Variants in KLF17 observed in about 807,000 individuals in gnomAD.
The protein encoded by KLF17 is Krueppel-like factor 17.
A neutral mutation model predicts 34.2 loss-of-function variants in KLF17; 31 were observed. That is an observed-to-expected ratio of 0.91 (90% CI 0.68 to 1.22). KLF17 has a LOEUF of 1.22. Among genes scored for constraint, KLF17 ranks in the 50% most tolerant of loss-of-function variants. KLF17 has a pLI of 0.00. For missense variants in KLF17, 478 were observed against 505.2 expected (o/e 0.95, Z 0.52); for synonymous variants, 179 against 186.7 (o/e 0.96, Z 0.34).
chr1:44,092,944 G>T, the KLF17 span, among the ~76,000 whole-genome samples: 1 of 152,150 alleles, frequency 6.6e-6, no homozygotes, highest in African/African-American at 2.4e-5. Flanking sequence ...GCATCCCCCT[G>T]CTCTGAAGGA....
At chr1:44,065,245 G>C in the KLF17 span, among the ~76,000 whole-genome samples, 1 of 151,346 alleles carries the variant, frequency 6.6e-6, no homozygotes, top group Non-Finnish European at 1.5e-5. Flanking sequence ...CCAAGATCAT[G>C]CCACTGCATT....
chr1:44,121,983 C>T (rs1254288438), intron 1 of KLF17, among the ~76,000 whole-genome samples: 1 of 152,224 alleles, frequency 6.6e-6, no homozygotes, highest in Non-Finnish European at 1.5e-5. Context: ...AATTTTTCCT[C>T]AATTAAATTT....
At chr1:44,048,312 T>G in the KLF17 span, 3 of 152,164 alleles carry the variant, frequency 2.0e-5, no homozygotes, top group South Asian at 6.2e-4. Context: ...GGATGTCCAG[T>G]TAAGCTGGGA....
the KLF17 span, among the ~76,000 whole-genome samples, chr1:44,083,669 C>CTG: frequency 6.6e-6 from 1 of 151,842 alleles, no homozygotes; most frequent in Non-Finnish European, 1.5e-5. Flanking sequence ...TGGCGGGTGC[C>CTG]TGTAGTTCCA....
intron 1 of KLF17, among the ~76,000 whole-genome samples, chr1:44,121,110 G>A (rs2087940435): frequency 6.6e-6 from 1 of 151,756 alleles, no homozygotes; most frequent in African/African-American, 2.4e-5. Context: ...TATCAAAATT[G>A]TATATATATA....
the KLF17 span, among the ~76,000 whole-genome samples, chr1:44,057,861 C>T: frequency 2.0e-5 from 3 of 152,226 alleles, no homozygotes; most frequent in East Asian, 1.9e-4. Context: ...CCCATACCCT[C>T]ATCCCTACTC....
the KLF17 span, among the ~76,000 whole-genome samples, chr1:44,083,476 G>A: frequency 6.6e-6 from 1 of 152,066 alleles, no homozygotes; most frequent in Admixed American, 6.6e-5. Context: ...TATCCAGCAA[G>A]TTGTTCTTAA....
At chr1:44,047,456 G>T in the KLF17 span, among the ~76,000 whole-genome samples, 2 of 152,184 alleles carry the variant, frequency 1.3e-5, no homozygotes, top group African/African-American at 4.8e-5. Flanking sequence ...ACAGGCTCCA[G>T]CCTGGTCATG....
At chr1:44,054,595 C>A in the KLF17 span, among the ~76,000 whole-genome samples, 6 of 150,590 alleles carry the variant, frequency 4.0e-5, no homozygotes, top group African/African-American at 1.5e-4. Context: ...ATTCTCCTGC[C>A]GCAGCCTCCC....
Position 44,118,916 on chromosome 1 carries a change from C to T in KLF17, c.9C>T (p.Gly3=), listed in dbSNP as rs867028476. The T allele has an allele frequency of 3.1e-6, 5 of 1,611,702 alleles. No homozygotes were observed. The highest frequency in any genetic ancestry group is 2.7e-5 in the African/African-American group (2 of 74,964). ...GACCCCACCCAGTCTTCATGTACGG[C>T]CGACCGCAGGCTGAGATGGAACAGG... MY[G]RPQAEMEQEA... The change falls in exon 1 of 4, where the codon GGC becomes GGT. Residue 3 remains glycine, a synonymous_variant. Coordinates refer to ENST00000372299, the MANE Select transcript of KLF17 (RefSeq NM_173484.4).
chr1:44,047,619 T>C, the KLF17 span, among the ~76,000 whole-genome samples: 1 of 152,160 alleles, frequency 6.6e-6, no homozygotes, highest in Admixed American at 6.5e-5. Flanking sequence ...ACATCCATCT[T>C]GAGGGAAAGA....
At chr1:44,069,875 C>T in the KLF17 span, 1 of 152,294 alleles carries the variant, frequency 6.6e-6, no homozygotes, top group East Asian at 1.9e-4. The surrounding 1 kb of genome is among the most constrained non-coding windows in gnomAD (Gnocchi z 4.7). Context: ...TCTTGTCCAA[C>T]CTTAGCATCT....
chr1:44,102,779 G>A, the KLF17 span, among the ~76,000 whole-genome samples: 1 of 152,134 alleles, frequency 6.6e-6, no homozygotes, highest in South Asian at 2.1e-4. Context: ...GAATAGCTGT[G>A]CACATGTGGC....
the KLF17 span, among the ~76,000 whole-genome samples, chr1:44,082,285 C>T: frequency 2.4e-4 from 37 of 152,206 alleles, 2 homozygotes; most frequent in Non-Finnish European, 4.7e-4. Flanking sequence ...ATGTATTGAA[C>T]TCAGGGAAAT....
intron 1 of KLF17, among the ~76,000 whole-genome samples, chr1:44,124,838 T>G (rs1479247784): frequency 6.6e-6 from 1 of 152,116 alleles, no homozygotes; most frequent in Non-Finnish European, 1.5e-5. Context: ...GTGGTTGCCA[T>G]GGGGATTACA....
chr1:44,076,354 C>G, the KLF17 span: 1 of 152,252 alleles, frequency 6.6e-6, no homozygotes. Flanking sequence ...AAGCTTGCTG[C>G]AAGGCAGCAA....
At chr1:44,078,350 A>C in the KLF17 span, among the ~76,000 whole-genome samples, 1 of 152,050 alleles carries the variant, frequency 6.6e-6, no homozygotes, top group Non-Finnish European at 1.5e-5. Context: ...CACCTGACAC[A>C]ATGGTAGATC....
At chr1:44,111,248 G>A in the KLF17 span, among the ~76,000 whole-genome samples, 6 of 151,892 alleles carry the variant, frequency 4.0e-5, no homozygotes, top group Non-Finnish European at 8.8e-5. Context: ...CACCTGCCTC[G>A]GTCTCCTAAA....
intron 1 of KLF17, among the ~76,000 whole-genome samples, chr1:44,123,435 T>C (rs2087972614): frequency 6.6e-6 from 1 of 152,246 alleles, no homozygotes; most frequent in Non-Finnish European, 1.5e-5. Flanking sequence ...TGTATTATAA[T>C]CCTTTTTACT....
Sources: gnomAD v4.1 joint callset for allele counts (sites outside exome capture counted in the v4.1 genomes callset) on GRCh38, gnomAD v4.1.1 for gene constraint, Gnocchi (gnomAD v3.1) non-coding constraint, MANE v1.5 for transcripts, NCBI Gene and HGNC (gene_info 2026-07-23, HGNC 2026-07-21) for gene names.